Variants in ANGPT4 observed in about 807,000 individuals in gnomAD.
ANGPT4 encodes angiopoietin-4.
Under a neutral mutation model 53.0 loss-of-function variants are expected in ANGPT4, and 50 were observed. That is an observed-to-expected ratio of 0.94 (90% confidence interval 0.75 to 1.20). The LOEUF (loss-of-function observed/expected upper bound fraction) is 1.20, where lower values mean the gene tolerates loss of function less well. Ranked by LOEUF, ANGPT4 falls within the 50% of genes most tolerant of loss-of-function variation. The pLI, the probability that ANGPT4 is intolerant of heterozygous loss-of-function variation, is 0.00. For synonymous variants in ANGPT4, 251 were observed against 259.7 expected (o/e 0.97, Z 0.32); for missense variants, 648 against 637.1 (o/e 1.02, Z -0.18).
chr20:886,242 A>AAT (rs1981615810), intron 3 of ANGPT4, among the ~76,000 whole-genome samples: 1 of 152,258 alleles, frequency 6.6e-6, no homozygotes, highest in Non-Finnish European at 1.5e-5. Context: ...GAGATATGGA[A>AAT]ATGTTACTCA....
chr20:916,231 G>A lies in ANGPT4; in HGVS notation c.-17C>T, dbSNP rs1306585597. The A allele has an allele frequency of 6.2e-7, 1 of 1,605,348 alleles. No individual in the cohort carries two copies. Among genetic ancestry groups the A allele is most frequent in the South Asian group, 1.1e-5 (1 of 89,816 alleles). On this transcript the variant is annotated 5_prime_UTR_variant, in exon 1 of 9. Transcript: ENST00000381922. ...GGAGAGCATCTGAAGATGTGTCAAT[G>A]GCGAGGGATGTCTGCTCAGAGCCCT...
chr20:899,120 A>G (rs1982174263), intron 1 of ANGPT4, among the ~76,000 whole-genome samples: 1 of 152,130 alleles, frequency 6.6e-6, no homozygotes, highest in Non-Finnish European at 1.5e-5. Flanking sequence ...TAATCAATAC[A>G]GAGGCTACCC....
intron 1 of ANGPT4, among the ~76,000 whole-genome samples, chr20:912,333 TCCG>T (rs1429030304): frequency 3.9e-5 from 6 of 152,110 alleles, no homozygotes; most frequent in African/African-American, 1.4e-4. Flanking sequence ...CCTCCCAGCC[TCCG>T]GATTAGGCAC....
At position 874,413 on chromosome 20, in the gene ANGPT4, G is replaced by T. The variant is rs1981079115; in HGVS notation, c.1222C>A (p.Leu408Ile). ...HLGSENQLYR[L>I]SVVGYSGSAG... ...GAGCCGCTGTACCCGACCACAGAAA[G>T]CCTGGAGGCCACCCAGAGGTGGTGG... The change falls in exon 8 of 9, where the codon CTT becomes ATT. Residue 408 changes from leucine (L) to isoleucine (I), a missense_variant and splice_region_variant. Transcript: ENST00000381922. 1 of 1,613,228 alleles carries T rather than the reference G, an allele frequency of 6.2e-7. No homozygotes were observed. Among genetic ancestry groups the T allele is most frequent in the East Asian group, 2.2e-5 (1 of 44,880 alleles).
intron 1 of ANGPT4, among the ~76,000 whole-genome samples, chr20:896,722 G>A (rs1167825083): frequency 6.6e-6 from 1 of 152,152 alleles, no homozygotes; most frequent in Non-Finnish European, 1.5e-5. Flanking sequence ...ACCTTAGGCT[G>A]GGGCCTCTAC....
intron 7 of ANGPT4, among the ~76,000 whole-genome samples, chr20:875,572 G>C (rs1345518212): frequency 6.6e-6 from 1 of 152,220 alleles, no homozygotes; most frequent in East Asian, 1.9e-4. Flanking sequence ...ACCCCACTGA[G>C]CCTCAGTTTC....
intron 4 of ANGPT4, among the ~76,000 whole-genome samples, chr20:883,973 G>T (rs927862524): frequency 6.6e-6 from 1 of 152,242 alleles, no homozygotes; most frequent in African/African-American, 2.4e-5. Context: ...TGGAGCCAGG[G>T]TGGAATCTTC....
chr20:893,788 A>T (rs933151772), intron 1 of ANGPT4, among the ~76,000 whole-genome samples: 1 of 152,136 alleles, frequency 6.6e-6, no homozygotes, highest in African/African-American at 2.4e-5. Context: ...CCCCAAACCC[A>T]GACCTCAATC....
At chr20:894,741 G>T (rs1981979171) in intron 1 of ANGPT4, among the ~76,000 whole-genome samples, 1 of 152,198 alleles carries the variant, frequency 6.6e-6, no homozygotes, top group Non-Finnish European at 1.5e-5. Context: ...TCTTCCCCAA[G>T]CTTCTCATTT....
chr20:888,484 C>T, intron 2 of ANGPT4, 45 bp from the exon 3 acceptor site: 1 of 1,575,952 alleles, frequency 6.3e-7, no homozygotes, highest in South Asian at 1.2e-5. Flanking sequence ...GTAAGCGCTA[C>T]AGGAGCCCTG....
intron 7 of ANGPT4, 50 bp downstream of exon 7, chr20:878,111 C>A (rs1480882468): frequency 1.9e-6 from 3 of 1,546,846 alleles, no homozygotes; most frequent in Non-Finnish European, 1.8e-6. Context: ...CCCAGCCCGC[C>A]CACTAGCTGA....
At chr20:902,790 T>G (rs1233078356) in intron 1 of ANGPT4, among the ~76,000 whole-genome samples, 1 of 152,164 alleles carries the variant, frequency 6.6e-6, no homozygotes, top group African/African-American at 2.4e-5. Flanking sequence ...CCTGAAGGCC[T>G]GTCCCACACA....
chr20:889,233 C>T (rs1385093485), intron 2 of ANGPT4, among the ~76,000 whole-genome samples: 1 of 151,962 alleles, frequency 6.6e-6, no homozygotes, highest in Non-Finnish European at 1.5e-5. Flanking sequence ...CTATTTTCTC[C>T]TTAGCGCTGT....
chr20:907,610 C>A (rs1388065141), intron 1 of ANGPT4, among the ~76,000 whole-genome samples: 1 of 152,138 alleles, frequency 6.6e-6, no homozygotes, highest in African/African-American at 2.4e-5. Flanking sequence ...GTCCTTGCAG[C>A]CACCCTCCAA....
chr20:913,735 A>G (rs57001576), intron 1 of ANGPT4, among the ~76,000 whole-genome samples: 10,351 of 152,292 alleles, frequency 0.068, 467 homozygotes, highest in East Asian at 0.19. Context: ...CCTGGGAAAG[A>G]TGACGAGGCC....
intron 7 of ANGPT4, among the ~76,000 whole-genome samples, chr20:877,031 G>C (rs1325006393): frequency 6.6e-6 from 1 of 151,520 alleles, no homozygotes; most frequent in Non-Finnish European, 1.5e-5. Context: ...ACTCCAGCCT[G>C]GGCAACAGAG....
chr20:876,144 C>CA (rs3030778), intron 7 of ANGPT4, among the ~76,000 whole-genome samples: 1,473 of 98,974 alleles, frequency 0.015, 17 homozygotes, highest in Non-Finnish European at 0.024. Flanking sequence ...AGCCCTGTCT[C>CA]AAAAAAAAAA....
intron 8 of ANGPT4, among the ~76,000 whole-genome samples, chr20:874,008 C>T (rs74970872): frequency 6.9e-4 from 105 of 152,278 alleles, no homozygotes; most frequent in South Asian, 2.5e-3. Context: ...GTGCCTCCCC[C>T]CCGGGGCCCT....
At chr20:885,874 G>T (rs1352933857) in intron 3 of ANGPT4, among the ~76,000 whole-genome samples, 1 of 152,182 alleles carries the variant, frequency 6.6e-6, no homozygotes, top group Non-Finnish European at 1.5e-5. Context: ...AGAGAAGAAA[G>T]AAAGTATTAA....
Sources: gnomAD v4.1 joint callset for allele counts (sites outside exome capture counted in the v4.1 genomes callset) on GRCh38, gnomAD v4.1.1 for gene constraint, MANE v1.5 for transcripts, NCBI Gene and HGNC (gene_info 2026-07-23, HGNC 2026-07-21) for gene names.